The following CUX1 variants were observed in gnomAD, a reference collection of about 807,000 sequenced individuals.
CUX1 encodes protein CASP.
Under a neutral mutation model 158.8 loss-of-function variants are expected in CUX1, and 31 were observed. The ratio of observed to expected loss-of-function variants is 0.20; its 90% CI spans 0.15 to 0.26. The LOEUF is 0.26. Among genes scored for constraint, CUX1 ranks in the 10% least tolerant of loss-of-function variants. CUX1 has a pLI of 1.00. For missense variants in CUX1, 1,589 were observed against 2,014.6 expected (o/e 0.79, Z 4.04); for synonymous variants, 879 against 862.1 (o/e 1.02, Z -0.34).
chr7:102,115,288 T>C lies in CUX1; in HGVS notation c.674+15T>C. On this transcript the variant is annotated intron_variant, in intron 8 of 23. Transcript: ENST00000292535. Reference sequence around the variant, plus strand: ...ACTACTGCAAAGTAAGTCTCTCTGCTTGGCCTCCCTTATCCGTACACATTT... The same window carrying C: ...ACTACTGCAAAGTAAGTCTCTCTGCCTGGCCTCCCTTATCCGTACACATTT... 1 of 1,606,576 alleles carries C rather than the reference T, an allele frequency of 6.2e-7. No homozygotes were observed. The highest frequency in any genetic ancestry group is 8.5e-7 in the Non-Finnish European group (1 of 1,177,962).
intron 5 of CUX1, among the ~76,000 whole-genome samples, chr7:102,099,572 T>G (rs1428841223): frequency 2.6e-5 from 4 of 151,890 alleles, no homozygotes; most frequent in Non-Finnish European, 5.9e-5. Context: ...TATTTATTTA[T>G]TTTAGATTCA....
At chr7:102,283,556 A>G (rs1563538514) in exon 23 of CUX1, 2 of 170,706 alleles carry the variant, frequency 1.2e-5, no homozygotes, top group Non-Finnish European at 2.6e-5. Flanking sequence ...CTTTGAGTCC[A>G]GCACCCCCAG....
At chr7:102,283,167 C>A (rs1325646958) in exon 23 of CUX1, 1 of 1,210,928 alleles carries the variant, frequency 8.3e-7, no homozygotes, top group African/African-American at 1.5e-5. Context: ...CACTTAGACT[C>A]CCCTGAAGAA....
rs1450089491 is a variant in CUX1, at chr7:101,896,265, TG to T, written c.31-19847del. 2.0e-5 allele frequency among the ~76,000 whole-genome samples: 3 copies of T among 152,104 alleles called. No individual in the cohort carries two copies. In the East Asian group the frequency reaches 5.8e-4, roughly 29 times the overall value. ...TCCGACCTCCAGCTCTTGCAGGTCG[TG>T]GGCAGCCTTGCCCCAGGTGCAGCAG... On this transcript the variant is annotated intron_variant, in intron 1 of 23. Transcript: ENST00000292535.
intron 20 of CUX1, among the ~76,000 whole-genome samples, chr7:102,206,117 CG>C (rs1329666932): frequency 6.6e-6 from 1 of 152,162 alleles, no homozygotes; most frequent in African/African-American, 2.4e-5. Context: ...ATGTGTAGCA[CG>C]GGGAACAGCT....
chr7:101,856,839 C>T (rs191386725), intron 1 of CUX1, among the ~76,000 whole-genome samples: 11 of 152,302 alleles, frequency 7.2e-5, no homozygotes, highest in African/African-American at 2.4e-4. Flanking sequence ...CCCTTTTCGG[C>T]CTCGGCCTCC....
chr7:102,124,316 A>G (rs1470985197), intron 8 of CUX1, among the ~76,000 whole-genome samples: 2 of 152,204 alleles, frequency 1.3e-5, no homozygotes, highest in Non-Finnish European at 2.9e-5. Flanking sequence ...GCTGCAATCC[A>G]GCAATGTCAC....
upstream of CUX1, chr7:101,816,127 G>C (rs368907672): frequency 1.9e-4 from 238 of 1,273,152 alleles, no homozygotes; most frequent in Non-Finnish European, 2.3e-4. Flanking sequence ...TCGCGCCCGG[G>C]GGTGGGGGCT....
At chr7:101,962,534 G>C (rs1178371264) in intron 2 of CUX1, among the ~76,000 whole-genome samples, 2 of 152,144 alleles carry the variant, frequency 1.3e-5, no homozygotes, top group African/African-American at 4.8e-5. Flanking sequence ...TCTGCCATGG[G>C]TTCTGGTTTG....
chr7:102,257,028 G>T lies in CUX1; in HGVS notation c.*7986G>T. The T allele has an allele frequency of 3.0e-6, 3 of 985,376 alleles. No homozygotes were observed. The highest frequency in any genetic ancestry group is 3.6e-6 in the Non-Finnish European group (3 of 829,946). 61.0% of individuals were successfully genotyped at this position (985,376 alleles called of 1,614,324 possible). A position where few individuals can be genotyped will look rare whatever the true frequency, so the allele number is the denominator to read the frequency against. On this transcript the variant is annotated 3_prime_UTR_variant, in exon 24 of 24. Transcript: ENST00000292535. ...TCAACGTGGAGGAAGGTTGGGTGTG[G>T]AGATTGCTTGCTGTGGCCCCAAGCT... is the stretch of plus-strand genomic sequence containing the variant.
chr7:101,972,434 C>T (rs994787511), intron 2 of CUX1, among the ~76,000 whole-genome samples: 1 of 152,196 alleles, frequency 6.6e-6, no homozygotes, highest in African/African-American at 2.4e-5. Flanking sequence ...TTCTTGCCTC[C>T]TCGGACGGCA....
chr7:102,261,364 CAT>C (rs1790386396), downstream of CUX1, among the ~76,000 whole-genome samples: 1 of 152,110 alleles, frequency 6.6e-6, no homozygotes, highest in Non-Finnish European at 1.5e-5. Flanking sequence ...CATGATGGCA[CAT>C]GTCTGTAATC....
intron 11 of CUX1, among the ~76,000 whole-genome samples, chr7:102,182,952 G>A (rs2131830826): frequency 6.6e-6 from 1 of 152,300 alleles, no homozygotes; most frequent in Admixed American, 6.5e-5. Flanking sequence ...GCTTCCCACT[G>A]GGTGGATGGT....
intron 11 of CUX1, among the ~76,000 whole-genome samples, chr7:102,188,414 A>G (rs1213800320): frequency 2.0e-5 from 3 of 152,072 alleles, no homozygotes; most frequent in Non-Finnish European, 4.4e-5. Context: ...TCAAAAGCAA[A>G]CTAGTCCAAA....
In CUX1 at chr7:102,227,275, G is replaced by A. The variant is rs960636101; in HGVS notation, c.3131-92G>A. On this transcript the variant is annotated intron_variant, in intron 20 of 23. Coordinates refer to ENST00000292535, the MANE Select transcript of CUX1 (RefSeq NM_181552.4). ...CTACCGTCTGCTTCTCCTACAGAGC[G>A]TTTAATTAGTATTTCCTAGATAAGG... is the stretch of plus-strand genomic sequence containing the variant. 1.4e-5 allele frequency: 16 copies of A among 1,120,274 alleles called. No homozygotes were observed. The South Asian group carries it at 1.5e-4, about 10-fold the overall frequency. The allele number at this position is 1,120,274 out of a possible 1,614,324, so 69.4% of individuals were successfully genotyped here.
intron 1 of CUX1, among the ~76,000 whole-genome samples, chr7:101,905,764 C>T (rs1009335551): frequency 8.5e-5 from 13 of 152,314 alleles, no homozygotes; most frequent in South Asian, 2.1e-4. Context: ...TTCCTGAACA[C>T]GCAGTGTTTC....
At chr7:101,946,988 G>A (rs897886066) in intron 2 of CUX1, among the ~76,000 whole-genome samples, 6 of 152,184 alleles carry the variant, frequency 3.9e-5, no homozygotes, top group Admixed American at 3.3e-4. Context: ...TGTCACCCAG[G>A]GTTTCAGCTG....
chr7:102,190,659 C>G (rs1794175159), intron 12 of CUX1, among the ~76,000 whole-genome samples: 1 of 152,234 alleles, frequency 6.6e-6, no homozygotes. Flanking sequence ...GGCATGGTGA[C>G]CAGCCCCACA....
In CUX1 at chr7:102,257,150, C is replaced by T. The variant is rs1247638264; in HGVS notation, c.*8108C>T. 2.0e-5 allele frequency: 20 copies of T among 985,236 alleles called. No homozygotes were observed. The highest frequency in any genetic ancestry group is 2.4e-5 in the Non-Finnish European group (20 of 829,936). The allele number at this position is 985,236 out of a possible 1,614,324, so 61.0% of individuals were successfully genotyped here. ...CAGCAGAAGGAAACTTACCCCAGGC[C>T]AAGGCAAGGGCCCTGCTCACCCCAA... On this transcript the variant is annotated 3_prime_UTR_variant, in exon 24 of 24. Coordinates refer to ENST00000292535, the MANE Select transcript of CUX1 (RefSeq NM_181552.4).
Sources: gnomAD v4.1 joint callset for allele counts (sites outside exome capture counted in the v4.1 genomes callset) on GRCh38, gnomAD v4.1.1 for gene constraint, MANE v1.5 for transcripts, NCBI Gene and HGNC (gene_info 2026-07-23, HGNC 2026-07-21) for gene names.